PPP1R1C: variants seen among roughly 807,000 people sequenced by gnomAD.
The protein encoded by PPP1R1C is protein phosphatase 1 regulatory subunit 1C.
A neutral mutation model predicts 17.4 loss-of-function variants in PPP1R1C; 15 were observed. The ratio of observed to expected loss-of-function variants is 0.86; its 90% CI spans 0.58 to 1.33. The LOEUF (loss-of-function observed/expected upper bound fraction) is 1.33, where lower values mean the gene tolerates loss of function less well. PPP1R1C is among the 40% of genes most tolerant of loss of function. The pLI is 0.00. For synonymous variants in PPP1R1C, 35 were observed against 43.1 expected (o/e 0.81, Z 0.73); for missense variants, 143 against 130.0 (o/e 1.10, Z -0.48).
At chr2:181,960,034 A>C (rs547309253) in intron 1 of PPP1R1C, among the ~76,000 whole-genome samples, 1 of 152,210 alleles carries the variant, frequency 6.6e-6, no homozygotes, top group African/African-American at 2.4e-5. Context: ...TAACTAAAAG[A>C]GTCTTACAAA....
At chr2:182,096,782 A>C (rs1195250142) in intron 4 of PPP1R1C, among the ~76,000 whole-genome samples, 1 of 152,134 alleles carries the variant, frequency 6.6e-6, no homozygotes, top group Admixed American at 6.5e-5. Flanking sequence ...TTTGCCACCC[A>C]CACACACATT....
chr2:181,968,262 T>G (rs1246308596), intron 1 of PPP1R1C, among the ~76,000 whole-genome samples: 1 of 152,186 alleles, frequency 6.6e-6, no homozygotes, highest in Non-Finnish European at 1.5e-5. Flanking sequence ...GATTTTCTGT[T>G]TAGATGATCT....
At chr2:182,120,270 G>T (rs1218521817), downstream of PPP1R1C, among the ~76,000 whole-genome samples, 1 of 152,074 alleles carries the variant, frequency 6.6e-6, no homozygotes, top group Non-Finnish European at 1.5e-5. Context: ...GTCTATATCT[G>T]TTTTGGCACC....
At chr2:182,012,090 T>C (rs563337768) in intron 2 of PPP1R1C, among the ~76,000 whole-genome samples, 2 of 152,126 alleles carry the variant, frequency 1.3e-5, no homozygotes, top group African/African-American at 4.8e-5. Flanking sequence ...GTGTATTTTA[T>C]GGCCATTGGA....
intron 2 of PPP1R1C, among the ~76,000 whole-genome samples, chr2:182,059,593 C>A (rs569035987): frequency 6.6e-6 from 1 of 152,146 alleles, no homozygotes; most frequent in South Asian, 2.1e-4. Context: ...TTGTCTGAGT[C>A]AATTTGACCT....
At chr2:182,115,275 GTTTGGGT>G (rs1689550014) in intron 4 of PPP1R1C, among the ~76,000 whole-genome samples, 1 of 152,142 alleles carries the variant, frequency 6.6e-6, no homozygotes, top group Non-Finnish European at 1.5e-5. Flanking sequence ...ATGATGGAAA[GTTTGGGT>G]CAGCAGCCAA....
chr2:182,129,576 A>C (rs1314161304), exon 6 of PPP1R1C: 1 of 152,160 alleles, frequency 6.6e-6, no homozygotes, highest in South Asian at 2.1e-4. Context: ...ATTTATAATT[A>C]ATTAAGTGGC....
At chr2:182,121,749 G>A (rs1026206174), downstream of PPP1R1C, among the ~76,000 whole-genome samples, 3 of 151,914 alleles carry the variant, frequency 2.0e-5, no homozygotes, top group Admixed American at 6.6e-5. Context: ...TAATCCGCCC[G>A]CCTCAGCCTC....
At position 181,967,071 on chromosome 2, in the gene PPP1R1C, T is replaced by C. The variant is rs1684917367; in HGVS notation, n.112-8148T>C. ...AGGAATTCATCCATTTTTTCTAGGT[T>C]TTCCAATTTATTGGCATATGGTTGC... On this transcript the variant is annotated intron_variant and non_coding_transcript_variant, in intron 1 of 5. Transcript: ENST00000464264. The surrounding 1 kb of genome is among the most constrained non-coding windows in gnomAD (Gnocchi z 5.5). Among the ~76,000 whole-genome samples the C allele has an allele frequency of 6.6e-6, 1 of 152,198 alleles. No homozygotes were observed. The highest frequency in any genetic ancestry group is 1.5e-5 in the Non-Finnish European group (1 of 68,024).
At chr2:182,104,349 G>A (rs2125229590) in intron 4 of PPP1R1C, among the ~76,000 whole-genome samples, 1 of 152,216 alleles carries the variant, frequency 6.6e-6, no homozygotes, top group Non-Finnish European at 1.5e-5. Context: ...TTAGGTTGAG[G>A]TATACTCCTT....
chr2:182,012,937 T>G (rs1334571257), intron 2 of PPP1R1C, among the ~76,000 whole-genome samples: 1 of 152,118 alleles, frequency 6.6e-6, no homozygotes. Context: ...CCCACCGCTT[T>G]TTAACTTTTT....
At chr2:182,081,238 G>C (rs1249852549) in intron 4 of PPP1R1C, among the ~76,000 whole-genome samples, 1 of 152,144 alleles carries the variant, frequency 6.6e-6, no homozygotes, top group African/African-American at 2.4e-5. Context: ...GTGCCAACTG[G>C]TGTCCATATT....
intron 1 of PPP1R1C, among the ~76,000 whole-genome samples, chr2:181,971,378 G>C (rs796784606): frequency 2.6e-5 from 4 of 152,190 alleles, no homozygotes; most frequent in Admixed American, 6.5e-5. Context: ...CTAGGTCCTG[G>C]AATGGGGGAC....
intron 4 of PPP1R1C, among the ~76,000 whole-genome samples, chr2:182,087,960 A>G (rs1688676623): frequency 6.6e-6 from 1 of 152,252 alleles, no homozygotes. Flanking sequence ...CTAGTGCTGC[A>G]AATGATGCAA....
At chr2:182,126,801 G>A (rs1316780147) in intron 5 of PPP1R1C, among the ~76,000 whole-genome samples, 1 of 151,984 alleles carries the variant, frequency 6.6e-6, no homozygotes, top group East Asian at 1.9e-4. Context: ...TGCAGGCAAT[G>A]GAGACTTGGT....
chr2:182,085,376 T>C (rs17594497), intron 4 of PPP1R1C, among the ~76,000 whole-genome samples: 47,054 of 151,946 alleles, frequency 0.31, 9,196 homozygotes, highest in Non-Finnish European at 0.42. Context: ...ACACACACAC[T>C]AGTCTCTAAA....
intron 2 of PPP1R1C, among the ~76,000 whole-genome samples, chr2:182,031,392 GT>G (rs1421588322): frequency 6.6e-6 from 1 of 152,190 alleles, no homozygotes; most frequent in African/African-American, 2.4e-5. Context: ...TTATTTTTAT[GT>G]GAAGAAAAAA....
intron 4 of PPP1R1C, among the ~76,000 whole-genome samples, chr2:182,114,986 C>T (rs1005156946): frequency 3.9e-5 from 6 of 152,128 alleles, no homozygotes; most frequent in Admixed American, 3.9e-4. Context: ...TGAATCCCCT[C>T]ATTTAGACAA....
chr2:181,981,296 C>A (rs1024385858), upstream of PPP1R1C, among the ~76,000 whole-genome samples: 4 of 152,150 alleles, frequency 2.6e-5, no homozygotes, highest in Admixed American at 1.3e-4. Flanking sequence ...TGATGTTTGC[C>A]TTTAAGCCTG....
Sources: gnomAD v4.1 joint callset for allele counts (sites outside exome capture counted in the v4.1 genomes callset) on GRCh38, gnomAD v4.1.1 for gene constraint, Gnocchi (gnomAD v3.1) non-coding constraint, MANE v1.5 for transcripts, NCBI Gene and HGNC (gene_info 2026-07-23, HGNC 2026-07-21) for gene names.